SMC6: variants seen among roughly 807,000 people sequenced by gnomAD.
SMC6 encodes the protein structural maintenance of chromosomes 6.
Under a neutral mutation model 142.2 loss-of-function variants are expected in SMC6, and 79 were observed. The ratio of observed to expected loss-of-function variants is 0.56; its 90% CI spans 0.46 to 0.67. The LOEUF is 0.67. Among genes scored for constraint, SMC6 ranks in the 30% least tolerant of loss-of-function variants. The pLI is 0.00. For synonymous variants in SMC6, 411 were observed against 412.4 expected (o/e 1.00, Z 0.04); for missense variants, 1,072 against 1,284.0 (o/e 0.83, Z 2.52).
chr2:17,687,758 AT>A (rs1368189586), intron 23 of SMC6, among the ~76,000 whole-genome samples: 1 of 152,216 alleles, frequency 6.6e-6, no homozygotes, highest in East Asian at 1.9e-4. Context: ...TCAAAGAGAA[AT>A]TAAATAAACA....
chr2:17,721,817 T>C (rs560729397), intron 9 of SMC6, among the ~76,000 whole-genome samples: 3 of 152,010 alleles, frequency 2.0e-5, no homozygotes, highest in South Asian at 2.1e-4. Context: ...TGCCTCAGCC[T>C]CCCAAGTAGC....
At chr2:17,749,490 C>T (rs1299497743) in intron 2 of SMC6, among the ~76,000 whole-genome samples, 1 of 152,146 alleles carries the variant, frequency 6.6e-6, no homozygotes, top group Non-Finnish European at 1.5e-5. Flanking sequence ...GAGTTTGAGA[C>T]CAGACTGGCC....
At chr2:17,728,003 T>C (rs2125036729) in intron 7 of SMC6, among the ~76,000 whole-genome samples, 1 of 152,338 alleles carries the variant, frequency 6.6e-6, no homozygotes, top group South Asian at 2.1e-4. Flanking sequence ...ATAGACCTAA[T>C]GCAGTAGTAG....
chr2:17,666,531 G>T lies in SMC6; in HGVS notation c.3064-14C>A. On this transcript the variant is annotated splice_polypyrimidine_tract_variant and intron_variant, in intron 26 of 27. Transcript: ENST00000448223. ...ATTAACCATATCCTGAAAAACAAAG[G>T]CAAAAGTTAGGATTGCTATTGTGTA... The T allele has an allele frequency of 3.1e-6, 5 of 1,592,304 alleles. No homozygotes were observed. In the South Asian group the frequency reaches 3.3e-5, roughly 11 times the overall value.
At chr2:17,720,030 G>T (rs573792555) in intron 11 of SMC6, among the ~76,000 whole-genome samples, 1 of 152,110 alleles carries the variant, frequency 6.6e-6, no homozygotes, top group African/African-American at 2.4e-5. Context: ...GTACATTTGC[G>T]GGGGAAGGGG....
intron 25 of SMC6, among the ~76,000 whole-genome samples, chr2:17,671,674 C>G (rs1053907861): frequency 4.9e-5 from 7 of 143,974 alleles, no homozygotes; most frequent in Non-Finnish European, 7.7e-5. Context: ...TAAATAAAAT[C>G]TTTTAAAATT....
At chr2:17,700,441 A>G in intron 20 of SMC6, 63 bp from the exon 21 acceptor site, 4 of 1,307,472 alleles carry the variant, frequency 3.1e-6, no homozygotes, top group Non-Finnish European at 2.1e-6. Context: ...AATAGAAGAA[A>G]CATAAAAATA....
At chr2:17,667,765 A>G (rs937445176) in intron 26 of SMC6, among the ~76,000 whole-genome samples, 1 of 152,190 alleles carries the variant, frequency 6.6e-6, no homozygotes, top group African/African-American at 2.4e-5. Flanking sequence ...CACAAGGATC[A>G]ATTGAATCCA....
At chr2:17,733,506 G>A (rs377407182) in intron 5 of SMC6, among the ~76,000 whole-genome samples, 5 of 152,282 alleles carry the variant, frequency 3.3e-5, no homozygotes, top group South Asian at 4.1e-4. Flanking sequence ...TCTTAGTTAC[G>A]TAAGATATCT....
Position 17,716,510 on chromosome 2 carries a change from C to T in SMC6, c.1346+231G>A, listed in dbSNP as rs1036077408. Among the ~76,000 whole-genome samples, 9 of 152,164 alleles carry T rather than the reference C, an allele frequency of 5.9e-5. No individual in the cohort carries two copies. In the East Asian group the frequency reaches 1.2e-3, roughly 20 times the overall value. On this transcript the variant is annotated intron_variant, in intron 14 of 27. Transcript: ENST00000448223. The stretch of plus-strand genomic sequence containing the variant: ...GAATCCCAGAAATTGTTCAACTCTA[C>T]AACTATAAGAAAAGTCTTGAAAAGT...
chr2:17,721,459 A>G (rs1311694380), intron 9 of SMC6, among the ~76,000 whole-genome samples, 198 bp from the exon 10 acceptor site: 2 of 152,124 alleles, frequency 1.3e-5, no homozygotes, highest in Non-Finnish European at 2.9e-5. Context: ...GAATTTCTGC[A>G]CTATAAAAAT....
At chr2:17,670,402 G>T (rs1470114153) in intron 26 of SMC6, 21 bp downstream of exon 26, 1 of 1,588,546 alleles carries the variant, frequency 6.3e-7, no homozygotes, top group Non-Finnish European at 8.5e-7. Context: ...ATGAAAAAGA[G>T]AATTTAAAAT....
In SMC6 at chr2:17,706,972, T is replaced by C. The variant is rs536736732; in HGVS notation, c.2006+247A>G. ...CTCCTTGAGGACAAGTAACAAATAG[T>C]GTACAAATGATCCAGTTGAGGGAAT... On this transcript the variant is annotated intron_variant, in intron 18 of 27. Coordinates refer to ENST00000448223, the MANE Select transcript of SMC6 (RefSeq NM_001142286.2). Among the ~76,000 whole-genome samples, 20 of 152,264 alleles carry C rather than the reference T, an allele frequency of 1.3e-4. No individual in the cohort carries two copies. The South Asian group carries it at 3.9e-3, about 30-fold the overall frequency.
intron 24 of SMC6, among the ~76,000 whole-genome samples, chr2:17,683,021 T>C (rs143574597): frequency 6.6e-6 from 1 of 152,240 alleles, no homozygotes; most frequent in Non-Finnish European, 1.5e-5. Flanking sequence ...CTCGGATTCA[T>C]GTATATTAAA....
chr2:17,722,180 T>C (rs930242692), intron 9 of SMC6, among the ~76,000 whole-genome samples: 3 of 151,968 alleles, frequency 2.0e-5, no homozygotes, highest in African/African-American at 7.3e-5. Flanking sequence ...ATTCCCTCAT[T>C]CATTCCCTCT....
At chr2:17,688,668 T>A (rs902969196) in intron 23 of SMC6, among the ~76,000 whole-genome samples, 6 of 152,118 alleles carry the variant, frequency 3.9e-5, no homozygotes, top group Non-Finnish European at 8.8e-5. Context: ...CATTTCCAAA[T>A]CAAGTCAATT....
chr2:17,670,398 A>T, intron 26 of SMC6, 25 bp downstream of exon 26: 1 of 1,586,158 alleles, frequency 6.3e-7, no homozygotes, highest in South Asian at 1.2e-5. Context: ...AAAAATGAAA[A>T]AGAGAATTTA....
chr2:17,732,634 G>T (rs1257708454), intron 5 of SMC6, among the ~76,000 whole-genome samples: 1 of 151,978 alleles, frequency 6.6e-6, no homozygotes, highest in Non-Finnish European at 1.5e-5. Flanking sequence ...AGGAGGCAGA[G>T]GTTGCAGTGA....
chr2:17,683,562 A>G lies in SMC6; in HGVS notation c.2804+76T>C, dbSNP rs1015436293. 3.1e-6 allele frequency: 4 copies of G among 1,309,208 alleles called. No homozygotes were observed. In the African/African-American group the frequency reaches 4.5e-5, roughly 15 times the overall value. 81.1% of individuals were successfully genotyped at this position (1,309,208 alleles called of 1,614,324 possible). ...AAGCATTAATAGTCTCTGCTATAAC[A>G]GAATTATATAAATAATATGAAAACA... On this transcript the variant is annotated intron_variant, in intron 24 of 27. Transcript: ENST00000448223.
Sources: gnomAD v4.1 joint callset for allele counts (sites outside exome capture counted in the v4.1 genomes callset) on GRCh38, gnomAD v4.1.1 for gene constraint, MANE v1.5 for transcripts, NCBI Gene and HGNC (gene_info 2026-07-23, HGNC 2026-07-21) for gene names.